Variants in ASXL3 observed in about 807,000 individuals in gnomAD.
The protein encoded by ASXL3 is ASXL transcriptional regulator 3.
ASXL3 carries 34 observed loss-of-function variants against 170.6 expected under a neutral mutation model. The observed-to-expected ratio is 0.20, with a 90% CI of 0.15 to 0.27. ASXL3 has a LOEUF of 0.27. Among genes scored for constraint, ASXL3 ranks in the 10% least tolerant of loss-of-function variants. The pLI is 1.00. For missense variants in ASXL3, 2,592 were observed against 2,695.3 expected (o/e 0.96, Z 0.85); for synonymous variants, 1,002 against 989.1 (o/e 1.01, Z -0.24).
Position 33,746,027 on chromosome 18 carries a change from C to G in ASXL3, c.6179C>G (p.Thr2060Ser). 6.2e-7 allele frequency: 1 copy of G among 1,610,240 alleles called. No homozygotes were observed. Among genetic ancestry groups the G allele is most frequent in the Non-Finnish European group, 8.5e-7 (1 of 1,178,854 alleles). ...TCTGATCAAAAACAACCTCCAGTTA[C>G]CATGGAAACCACTAAGAGACTTAGT... ...VPSDQKQPPV[T>S]METTKRLSWP... Residue 2060 changes from threonine (T) to serine (S), a missense_variant, in exon 12 of 12, where the codon ACC becomes AGC. Physicochemically the swap from Thr to Ser is moderately conservative, Grantham distance 58. This residue lies in a region of ASXL3 where 2,246 missense variants were observed against 2,219.6 expected (regional missense o/e 1.01). Transcript: ENST00000269197.
intron 2 of ASXL3, among the ~76,000 whole-genome samples, chr18:33,631,327 A>G (rs1423220817): frequency 2.6e-5 from 4 of 152,104 alleles, no homozygotes; most frequent in African/African-American, 9.6e-5. Flanking sequence ...AATCCTAAAA[A>G]TCAGAGTTAA....
intron 8 of ASXL3, among the ~76,000 whole-genome samples, chr18:33,691,420 G>A (rs542715894): frequency 6.6e-5 from 10 of 152,360 alleles, no homozygotes; most frequent in African/African-American, 2.4e-4. Flanking sequence ...TGAAGGAGCT[G>A]TTGTGGCTGC....
rs553291035 is a variant in ASXL3 at position 33,601,212 on chromosome 18, C to T, written c.55-6382C>T. On this transcript the variant is annotated intron_variant, in intron 1 of 11. Transcript: ENST00000269197. The stretch of plus-strand genomic sequence containing the variant: ...TTTAATTCCTATGATTTTCTGGTAG[C>T]GCTCTTCTTTGTATTGAAAAAAATC... Among the ~76,000 whole-genome samples the T allele has an allele frequency of 6.5e-4, 98 of 151,526 alleles. 1 individual carries two copies. Among genetic ancestry groups the T allele is most frequent in the African/African-American group, 1.4e-3 (59 of 41,328 alleles).
At chr18:33,720,261 A>G (rs2067236727) in intron 8 of ASXL3, among the ~76,000 whole-genome samples, 1 of 151,956 alleles carries the variant, frequency 6.6e-6, no homozygotes, top group South Asian at 2.1e-4. Context: ...TTCCTGGCAC[A>G]TAGTAGATGC....
intron 8 of ASXL3, among the ~76,000 whole-genome samples, chr18:33,712,335 A>C (rs1157826490): frequency 1.3e-5 from 2 of 152,320 alleles, no homozygotes; most frequent in African/African-American, 4.8e-5. Flanking sequence ...TTTAGAGTCT[A>C]AGTGATTGTT....
At chr18:33,637,691 G>A (rs1327317055) in intron 2 of ASXL3, among the ~76,000 whole-genome samples, 1 of 152,120 alleles carries the variant, frequency 6.6e-6, no homozygotes, top group Non-Finnish European at 1.5e-5. Flanking sequence ...GCTTGCAGGG[G>A]TGGAGAAATA....
chr18:33,626,697 T>A (rs148760105), intron 2 of ASXL3: 13 of 152,214 alleles, frequency 8.5e-5, no homozygotes, highest in African/African-American at 3.1e-4. Flanking sequence ...TGCTTTTAAG[T>A]TTACCTTCTG....
chr18:33,601,736 G>C (rs1054996965), intron 1 of ASXL3, among the ~76,000 whole-genome samples: 3 of 133,926 alleles, frequency 2.2e-5, no homozygotes, highest in African/African-American at 8.4e-5. Flanking sequence ...TATACCAAGG[G>C]AATGTATAGT....
intron 8 of ASXL3, among the ~76,000 whole-genome samples, chr18:33,695,688 T>C (rs745717426): frequency 1.3e-5 from 2 of 152,264 alleles, no homozygotes; most frequent in Non-Finnish European, 2.9e-5. Context: ...AGGCAGTTAA[T>C]AGAGAAACAC....
chr18:33,706,775 T>C (rs937072760), intron 8 of ASXL3, among the ~76,000 whole-genome samples: 4 of 152,006 alleles, frequency 2.6e-5, no homozygotes, highest in Admixed American at 2.6e-4. Flanking sequence ...TTGTGGTTTG[T>C]CTTTTGATTC....
At chr18:33,702,620 T>C (rs1036357551) in intron 8 of ASXL3, among the ~76,000 whole-genome samples, 3 of 152,206 alleles carry the variant, frequency 2.0e-5, no homozygotes, top group Non-Finnish European at 4.4e-5. Flanking sequence ...ACTTTTATTT[T>C]ATCATTATAT....
chr18:33,706,752 G>T (rs116641349), intron 8 of ASXL3, among the ~76,000 whole-genome samples: 41 of 151,466 alleles, frequency 2.7e-4, no homozygotes, highest in Non-Finnish European at 5.0e-4. Flanking sequence ...TATATTGTTG[G>T]TATCTTCTTA....
At chr18:33,610,181 G>A (rs2065312028) in intron 2 of ASXL3, among the ~76,000 whole-genome samples, 1 of 152,044 alleles carries the variant, frequency 6.6e-6, no homozygotes, top group African/African-American at 2.4e-5. Context: ...TAAGGCAGTT[G>A]AGTAAATGAA....
intron 4 of ASXL3, among the ~76,000 whole-genome samples, chr18:33,650,169 A>G (rs2065975284): frequency 6.6e-6 from 1 of 152,186 alleles, no homozygotes; most frequent in South Asian, 2.1e-4. Flanking sequence ...TAGTAGAACT[A>G]ACATTGACAA....
At chr18:33,697,591 C>A (rs573475121) in intron 8 of ASXL3, among the ~76,000 whole-genome samples, 1 of 152,192 alleles carries the variant, frequency 6.6e-6, no homozygotes. Flanking sequence ...ATTTTCCAAT[C>A]TGACTAGTGA....
intron 8 of ASXL3, among the ~76,000 whole-genome samples, chr18:33,695,826 A>G (rs1174912775): frequency 1.3e-5 from 2 of 152,126 alleles, no homozygotes; most frequent in African/African-American, 4.8e-5. Flanking sequence ...ATCCACTACC[A>G]CTAGCATATT....
chr18:33,653,550 A>G (rs189513722), intron 4 of ASXL3, among the ~76,000 whole-genome samples: 11 of 152,190 alleles, frequency 7.2e-5, no homozygotes, highest in Non-Finnish European at 1.5e-4. Context: ...AGAAATGACC[A>G]TTGGCAGGAT....
At position 33,744,298 on chromosome 18, in the gene ASXL3, A is replaced by C. The variant is rs2067726975; in HGVS notation, c.4450A>C (p.Ser1484Arg). ...TGACCACAGCACCACGCTGACCTCC[A>C]GTTTGTCTCTGACTGTCTCCGTTGA... The part of the protein sequence containing the change: ...IVDHSTTLTS[S>R]LSLTVSVESS... Residue 1484 changes from serine to arginine, a missense_variant, in exon 12 of 12, where the codon AGT (serine) becomes CGT (arginine). By Grantham distance (110) the Ser-to-Arg change is moderately radical (BLOSUM62 -1). Coordinates refer to ENST00000269197, the MANE Select transcript of ASXL3 (RefSeq NM_030632.3). 1.2e-6 allele frequency: 2 copies of C among 1,613,988 alleles called. No homozygotes were observed. The highest frequency in any genetic ancestry group is 1.6e-4 in the Middle Eastern group (1 of 6,062).
At chr18:33,694,899 A>C (rs1409762089) in intron 8 of ASXL3, among the ~76,000 whole-genome samples, 2 of 152,168 alleles carry the variant, frequency 1.3e-5, no homozygotes, top group Non-Finnish European at 2.9e-5. Context: ...TGTGTCTGTC[A>C]GACATTTTAC....
Sources: allele counts gnomAD v4.1 joint callset (sites outside exome capture counted in the v4.1 genomes callset), GRCh38; gene constraint gnomAD v4.1.1; regional missense constraint gnomAD v4.1.1; transcripts MANE v1.5; gene names NCBI Gene and HGNC (gene_info 2026-07-23, HGNC 2026-07-21).